The following COL26A1 variants were observed in gnomAD, a reference collection of about 807,000 sequenced individuals.
COL26A1 encodes the protein collagen alpha-1(XXVI) chain.
Under a neutral mutation model 59.3 loss-of-function variants are expected in COL26A1, and 41 were observed. The ratio of observed to expected loss-of-function variants is 0.69; its 90% CI spans 0.54 to 0.90. COL26A1 has a LOEUF of 0.90. COL26A1 is among the 40% of genes least tolerant of loss of function. The probability of loss-of-function intolerance (pLI) is 0.00; values close to 1 mark genes in which losing one functional copy is unlikely to be tolerated. For missense variants in COL26A1, 612 were observed against 602.3 expected (o/e 1.02, Z -0.17); for synonymous variants, 266 against 256.0 (o/e 1.04, Z -0.37).
intron 3 of COL26A1, among the ~76,000 whole-genome samples, chr7:101,496,796 G>A (rs1794596313): frequency 6.6e-6 from 1 of 151,844 alleles, no homozygotes; most frequent in Non-Finnish European, 1.5e-5. Flanking sequence ...TGAGGCAGGA[G>A]GATCACTTGA....
chr7:101,363,737 C>T (rs1790969719), intron 1 of COL26A1, among the ~76,000 whole-genome samples: 2 of 151,644 alleles, frequency 1.3e-5, no homozygotes, highest in Admixed American at 1.3e-4. Flanking sequence ...CCCCTCGTTC[C>T]GGGCTCCGAG....
intron 4 of COL26A1, 104 bp from the exon 5 acceptor site, chr7:101,539,789 C>T: frequency 8.4e-7 from 1 of 1,188,014 alleles, no homozygotes; most frequent in Non-Finnish European, 1.2e-6. Context: ...ACAGCGTGGA[C>T]AGCTGCAGGT....
intron 1 of COL26A1, among the ~76,000 whole-genome samples, chr7:101,415,642 T>C (rs1274548338): frequency 6.6e-6 from 1 of 152,044 alleles, no homozygotes; most frequent in East Asian, 1.9e-4. Context: ...TTGTTTTGTT[T>C]TGTTTTGAGA....
At chr7:101,526,110 G>A (rs1356715359) in intron 3 of COL26A1, among the ~76,000 whole-genome samples, 2 of 150,610 alleles carry the variant, frequency 1.3e-5, no homozygotes, top group Admixed American at 6.6e-5. Context: ...GTGCAATGGC[G>A]TGATCTCGGC....
chr7:101,449,852 G>A (rs932251924), intron 3 of COL26A1, among the ~76,000 whole-genome samples: 7 of 152,030 alleles, frequency 4.6e-5, no homozygotes, highest in African/African-American at 1.5e-4. Context: ...GGATGGGCGT[G>A]GTGGCTCATG....
In COL26A1 at chr7:101,553,143, G is replaced by A. The variant is rs185142575; in HGVS notation, c.1030-183G>A. On this transcript the variant is annotated intron_variant, in intron 10 of 12. Coordinates refer to ENST00000313669, the MANE Select transcript of COL26A1 (RefSeq NM_001278563.3). ...TGCCAGGCTGAGCAGGCTGTGCCCCGGAGCCGTGGCCTCCCCTGCTGTGCT... is the reference window on the plus strand; with the variant it reads ...TGCCAGGCTGAGCAGGCTGTGCCCCAGAGCCGTGGCCTCCCCTGCTGTGCT... 3.0e-3 allele frequency: 1,642 copies of A among 545,298 alleles called. 3 individuals carry two copies. The highest frequency in any genetic ancestry group is 4.3e-3 in the Non-Finnish European group (1,323 of 305,770). 33.8% of individuals were successfully genotyped at this position (545,298 alleles called of 1,614,324 possible). A position where few individuals can be genotyped will look rare whatever the true frequency, so the allele number is the denominator to read the frequency against.
At chr7:101,556,917 A>G (rs1795989133) in intron 12 of COL26A1, among the ~76,000 whole-genome samples, 1 of 151,114 alleles carries the variant, frequency 6.6e-6, no homozygotes, top group Non-Finnish European at 1.5e-5. Context: ...GGATGGATGG[A>G]TGGATGGATG....
chr7:101,452,887 C>G (rs115790658), intron 3 of COL26A1, among the ~76,000 whole-genome samples: 1,558 of 152,072 alleles, frequency 0.01, 30 homozygotes, highest in African/African-American at 0.036. Context: ...GTCTTAGCCT[C>G]CCAAGTACCT....
At chr7:101,404,607 A>G (rs1333177484) in intron 1 of COL26A1, among the ~76,000 whole-genome samples, 14 of 152,184 alleles carry the variant, frequency 9.2e-5, no homozygotes. Context: ...CCATTAAACT[A>G]TAAATAGGCC....
chr7:101,420,508 G>A (rs1000937220), intron 2 of COL26A1, among the ~76,000 whole-genome samples: 4 of 152,106 alleles, frequency 2.6e-5, no homozygotes, highest in East Asian at 3.9e-4. Flanking sequence ...CACAGGCCTC[G>A]CCCCTGGCAG....
At chr7:101,546,659 A>C (rs570295374) in intron 7 of COL26A1, among the ~76,000 whole-genome samples, 86 of 152,144 alleles carry the variant, frequency 5.7e-4, no homozygotes, top group African/African-American at 2.0e-3. Flanking sequence ...GAATCAGGTG[A>C]GGGGCTCATC....
chr7:101,385,386 T>TATATATATATATATATATA (rs58580713), intron 1 of COL26A1, among the ~76,000 whole-genome samples: 22 of 149,674 alleles, frequency 1.5e-4, no homozygotes, highest in Non-Finnish European at 2.7e-4. Flanking sequence ...TATATATATA[T>TATATATATATATATATATA]TTGTGACGGA....
chr7:101,554,345 G>T (rs1427466194), intron 11 of COL26A1, among the ~76,000 whole-genome samples: 1 of 152,062 alleles, frequency 6.6e-6, no homozygotes, highest in Non-Finnish European at 1.5e-5. Flanking sequence ...TGGAATCAAG[G>T]CCGCTGTGAG....
At chr7:101,385,679 T>C (rs1391574541) in intron 1 of COL26A1, among the ~76,000 whole-genome samples, 2 of 150,716 alleles carry the variant, frequency 1.3e-5, no homozygotes, top group Non-Finnish European at 1.5e-5. Context: ...CCCCATACAA[T>C]TGAAAAAAAT....
chr7:101,443,994 C>T (rs1793123982), intron 2 of COL26A1, among the ~76,000 whole-genome samples: 1 of 151,716 alleles, frequency 6.6e-6, no homozygotes, highest in African/African-American at 2.4e-5. Flanking sequence ...ACCTCAGCCT[C>T]CCAAGTAGCT....
intron 3 of COL26A1, among the ~76,000 whole-genome samples, chr7:101,523,476 C>T (rs148380883): frequency 9.2e-5 from 14 of 152,200 alleles, no homozygotes; most frequent in African/African-American, 3.1e-4. Context: ...AGGTAGTCAC[C>T]TATGTTTTCT....
intron 3 of COL26A1, among the ~76,000 whole-genome samples, chr7:101,450,800 GAATATGAATTCCATAGTCTA>G (rs1793315661): frequency 6.8e-6 from 1 of 146,868 alleles, no homozygotes; most frequent in African/African-American, 2.5e-5. Flanking sequence ...TAGTCTATAT[GAATATGAATTCCATAGTCTA>G]TATGAATATG....
intron 3 of COL26A1, among the ~76,000 whole-genome samples, chr7:101,463,625 C>T (rs1793668535): frequency 1.3e-5 from 1 of 79,106 alleles, no homozygotes; most frequent in Non-Finnish European, 2.1e-5. Context: ...CTCCCTCCCC[C>T]TCTTCCTTCC....
intron 3 of COL26A1, among the ~76,000 whole-genome samples, chr7:101,474,861 A>G (rs1186189637): frequency 6.6e-6 from 1 of 152,188 alleles, no homozygotes; most frequent in Non-Finnish European, 1.5e-5. Context: ...TTTGATAAAA[A>G]AGCGGACAGC....
Sources: allele counts gnomAD v4.1 joint callset (sites outside exome capture counted in the v4.1 genomes callset), GRCh38; gene constraint gnomAD v4.1.1; transcripts MANE v1.5; gene names NCBI Gene and HGNC (gene_info 2026-07-23, HGNC 2026-07-21).